Variants in PARD3B observed in about 807,000 individuals in gnomAD.
The protein encoded by PARD3B is par-3 family cell polarity regulator beta, also known as partitioning defective 3 homolog B.
In PARD3B, 103 loss-of-function variants were observed where a neutral mutation model predicts 130.2. That is an observed-to-expected ratio of 0.79 (90% CI 0.67 to 0.93). PARD3B has a LOEUF of 0.93. PARD3B is among the 40% of genes least tolerant of loss of function. The probability of loss-of-function intolerance (pLI) is 0.00; values close to 1 mark genes in which losing one functional copy is unlikely to be tolerated. For synonymous variants in PARD3B, 583 were observed against 553.2 expected (o/e 1.05, Z -0.76); for missense variants, 1,609 against 1,499.2 (o/e 1.07, Z -1.21).
intron 2 of PARD3B, among the ~76,000 whole-genome samples, chr2:204,833,832 A>T (rs551411784): frequency 1.3e-5 from 2 of 152,042 alleles, no homozygotes; most frequent in African/African-American, 4.8e-5. Context: ...ATACCTTTTC[A>T]GTGTCTTACC....
At chr2:204,860,360 G>A in intron 2 of PARD3B, among the ~76,000 whole-genome samples, 1 of 152,202 alleles carries the variant, frequency 6.6e-6, no homozygotes. Context: ...TCTCTCTTCT[G>A]GTGAGACAGC....
chr2:205,317,352 T>C lies in PARD3B; in HGVS notation c.2630+15651T>C, dbSNP rs531631779. On this transcript the variant is annotated intron_variant, in intron 18 of 22. Transcript: ENST00000406610. ...ATTGAAACTGATTACAGGGTAGATA[T>C]GTCTATGGGCTAAAATAGAATGGGA... 2.6e-5 allele frequency among the ~76,000 whole-genome samples: 4 copies of C among 152,348 alleles called. No individual in the cohort carries two copies. In the East Asian group the frequency reaches 7.7e-4, roughly 29 times the overall value.
intron 21 of PARD3B, among the ~76,000 whole-genome samples, chr2:205,526,995 T>C (rs536235313): frequency 6.8e-4 from 104 of 152,324 alleles, no homozygotes; most frequent in African/African-American, 2.5e-3. Flanking sequence ...GAGATACCAC[T>C]TGGCTTTTAG....
chr2:205,189,073 G>A (rs1574332118), intron 14 of PARD3B, among the ~76,000 whole-genome samples: 1 of 152,276 alleles, frequency 6.6e-6, no homozygotes, highest in Non-Finnish European at 1.5e-5. Context: ...TAAATCAGCA[G>A]CAGACAGAAT....
At chr2:205,559,074 G>C (rs1348401026) in intron 22 of PARD3B, among the ~76,000 whole-genome samples, 1 of 152,056 alleles carries the variant, frequency 6.6e-6, no homozygotes, top group Non-Finnish European at 1.5e-5. Flanking sequence ...AGTTTTTTTG[G>C]TTTTTGTTTT....
chr2:205,103,076 A>G (rs967077478), intron 4 of PARD3B, among the ~76,000 whole-genome samples: 11 of 127,396 alleles, frequency 8.6e-5, no homozygotes, highest in Admixed American at 8.5e-4. Flanking sequence ...AAAAATAAAA[A>G]TATATATTTT....
At chr2:204,746,557 A>G (rs1042025118) in intron 2 of PARD3B, among the ~76,000 whole-genome samples, 3 of 152,138 alleles carry the variant, frequency 2.0e-5, no homozygotes, top group African/African-American at 7.2e-5. Context: ...GAATTGCCAC[A>G]CTGTCTTCCA....
rs77429643 is a variant in PARD3B, at chr2:205,389,119, A to G, written c.2631-11894A>G. ...TGTCTTATGTAGAATTTCATTTGAGACATTCAGGATATAAATTTTTTTTTC... is the reference window on the plus strand; with the variant it reads ...TGTCTTATGTAGAATTTCATTTGAGGCATTCAGGATATAAATTTTTTTTTC... On this transcript the variant is annotated intron_variant, in intron 18 of 22. Coordinates refer to ENST00000406610, the MANE Select transcript of PARD3B (RefSeq NM_001302769.2). Among the ~76,000 whole-genome samples, 65 of 152,242 alleles carry G rather than the reference A, an allele frequency of 4.3e-4. 1 individual carries two copies. The East Asian group carries it at 6.6e-3, about 15-fold the overall frequency.
chr2:204,981,892 G>C (rs1220064036), intron 3 of PARD3B, among the ~76,000 whole-genome samples: 4 of 151,860 alleles, frequency 2.6e-5, no homozygotes, highest in South Asian at 2.1e-4. Context: ...GAGAGGAAGG[G>C]AATTTTGAGA....
At chr2:204,640,625 A>G (rs2216317) in intron 1 of PARD3B, among the ~76,000 whole-genome samples, 99,802 of 152,022 alleles carry the variant, frequency 0.66, 36,861 homozygotes, top group South Asian at 0.81. Context: ...GATTTTGTCA[A>G]CCTTGCCTAC....
intron 2 of PARD3B, among the ~76,000 whole-genome samples, chr2:204,948,925 G>T (rs1205274092): frequency 6.6e-6 from 1 of 151,992 alleles, no homozygotes; most frequent in Non-Finnish European, 1.5e-5. Context: ...TAAATTATAG[G>T]ACTAGAGACT....
chr2:205,334,573 G>A (rs1438346453), intron 18 of PARD3B, among the ~76,000 whole-genome samples: 1 of 152,182 alleles, frequency 6.6e-6, no homozygotes, highest in Non-Finnish European at 1.5e-5. Flanking sequence ...GGCAGATATA[G>A]GAACCCAAGA....
intron 3 of PARD3B, among the ~76,000 whole-genome samples, chr2:204,976,508 A>G (rs754220629): frequency 4.6e-5 from 7 of 152,102 alleles, no homozygotes; most frequent in Non-Finnish European, 8.8e-5. Flanking sequence ...AATAGGTGGT[A>G]TATAAATCTG....
intron 20 of PARD3B, among the ~76,000 whole-genome samples, chr2:205,486,446 C>T (rs2049445339): frequency 6.6e-6 from 1 of 152,114 alleles, no homozygotes; most frequent in Non-Finnish European, 1.5e-5. Context: ...CTGCATCAGT[C>T]CATTCTAGCA....
rs552570116 is a variant in PARD3B, at chr2:204,670,437, A to G, written c.121-15744A>G. Among the ~76,000 whole-genome samples the G allele has an allele frequency of 2.3e-3, 355 of 152,238 alleles. 1 individual carries two copies. The highest frequency in any genetic ancestry group is 8.1e-3 in the African/African-American group (337 of 41,576). The stretch of plus-strand genomic sequence containing the variant: ...CCCCCTGCCGCCCAAACCACTTCTA[A>G]GAAGCAGTCACTCCAAACCCTTCAC... On this transcript the variant is annotated intron_variant, in intron 1 of 22. Transcript: ENST00000406610.
In PARD3B at chr2:205,274,501, T is replaced by C. The variant is rs929511384; in HGVS notation, c.2186-26029T>C. On this transcript the variant is annotated intron_variant, in intron 16 of 22. Transcript: ENST00000406610. This position sits in a 1 kb window ranked among gnomAD's most constrained non-coding sequence, Gnocchi z 4.2. ...GCAATATTTATTATTAAACATTAAT[T>C]ATTAAATATGAATAGTATTAAATGT... Among the ~76,000 whole-genome samples the C allele has an allele frequency of 2.7e-5, 4 of 149,960 alleles. No homozygotes were observed. The highest frequency in any genetic ancestry group is 9.8e-5 in the African/African-American group (4 of 40,830).
intron 10 of PARD3B, among the ~76,000 whole-genome samples, chr2:205,144,145 C>T (rs1055278733): frequency 6.6e-6 from 1 of 152,172 alleles, no homozygotes; most frequent in Non-Finnish European, 1.5e-5. Context: ...GCAGATATCA[C>T]GTGAGCAAAT....
At chr2:204,698,304 T>C (rs1194178970) in intron 2 of PARD3B, among the ~76,000 whole-genome samples, 1 of 152,138 alleles carries the variant, frequency 6.6e-6, no homozygotes, top group East Asian at 1.9e-4. Context: ...ACGTCATTAA[T>C]TGGAAAGTTT....
rs142276372 is a variant in PARD3B at position 205,525,720 on chromosome 2, A to G, written c.3180+25689A>G. Among the ~76,000 whole-genome samples the G allele has an allele frequency of 1.8e-3, 273 of 152,224 alleles. 2 individuals carry two copies. Among genetic ancestry groups the G allele is most frequent in the African/African-American group, 5.1e-3 (212 of 41,544 alleles). On this transcript the variant is annotated intron_variant, in intron 21 of 22. Coordinates refer to ENST00000406610, the MANE Select transcript of PARD3B (RefSeq NM_001302769.2). The surrounding 1 kb of genome is among the most constrained non-coding windows in gnomAD (Gnocchi z 4.2). ...TTATCGAAGGCTTATCCTTTCTCAC[A>G]CTGAACTAATACTCACCCTTCATTT...
Sources: allele counts gnomAD v4.1 joint callset (sites outside exome capture counted in the v4.1 genomes callset), GRCh38; gene constraint gnomAD v4.1.1; non-coding constraint Gnocchi (gnomAD v3.1); transcripts MANE v1.5; gene names NCBI Gene and HGNC (gene_info 2026-07-23, HGNC 2026-07-21).